The following ZNF385D variants were observed in gnomAD, a reference collection of about 807,000 sequenced individuals.
ZNF385D encodes the protein zinc finger protein 385D.
Under a neutral mutation model 35.8 loss-of-function variants are expected in ZNF385D, and 15 were observed. The observed-to-expected ratio is 0.42, with a 90% CI of 0.28 to 0.64. The LOEUF is 0.64. Ranked by LOEUF, ZNF385D falls within the 30% of genes least tolerant of loss-of-function variation. The pLI is 0.23. For missense variants in ZNF385D, 474 were observed against 494.6 expected, an observed-to-expected ratio of 0.96 and a Z score of 0.39; for synonymous variants, 212 against 186.8, an observed-to-expected ratio of 1.13 and a Z score of -1.10.
chr3:22,231,201 C>T (rs1698868316), intron 2 of ZNF385D, among the ~76,000 whole-genome samples: 1 of 152,118 alleles, frequency 6.6e-6, no homozygotes. Flanking sequence ...AGCCCCCTGC[C>T]ACTGGAGCAT....
rs869250677 is a variant in ZNF385D, at chr3:22,365,493, AT to A, written c.106+6956del. ...CGAGATGTTTATCTTTCTAAAAAAAATTTTTTTTTGTTTGCAAACAAACTTT... is the reference window on the plus strand; with the variant it reads ...CGAGATGTTTATCTTTCTAAAAAAAATTTTTTTTGTTTGCAAACAAACTTT... On this transcript the variant is annotated intron_variant, in intron 2 of 5. Coordinates refer to the ZNF385D transcript ENST00000494108. Among the ~76,000 whole-genome samples, 16 of 151,632 alleles carry A rather than the reference AT, an allele frequency of 1.1e-4. No individual in the cohort carries two copies. In the South Asian group the frequency reaches 1.2e-3, roughly 12 times the overall value.
intron 2 of ZNF385D, among the ~76,000 whole-genome samples, chr3:22,218,891 T>G (rs1698065779): frequency 6.6e-6 from 1 of 152,122 alleles, no homozygotes; most frequent in South Asian, 2.1e-4. Context: ...AGGGCTCACT[T>G]TTTTCATTAA....
chr3:21,422,849 G>A (rs934090510), intron 7 of ZNF385D, among the ~76,000 whole-genome samples: 5 of 152,228 alleles, frequency 3.3e-5, no homozygotes, highest in Admixed American at 2.6e-4. Flanking sequence ...AAAATAATAA[G>A]AGCCGTGTAT....
chr3:21,980,423 C>A (rs778538777), intron 3 of ZNF385D, among the ~76,000 whole-genome samples: 3 of 151,890 alleles, frequency 2.0e-5, no homozygotes, highest in East Asian at 3.9e-4. Flanking sequence ...AATAATGCAA[C>A]GTAATAATGT....
chr3:21,663,655 G>C (rs997658033), intron 2 of ZNF385D, among the ~76,000 whole-genome samples: 1 of 151,640 alleles, frequency 6.6e-6, no homozygotes, highest in African/African-American at 2.4e-5. Flanking sequence ...GTTTTGTAAA[G>C]GTGACCTTTA....
chr3:21,955,880 A>T (rs954610304), intron 3 of ZNF385D, among the ~76,000 whole-genome samples: 5 of 152,134 alleles, frequency 3.3e-5, no homozygotes, highest in Admixed American at 6.6e-5. Context: ...GTTTTTCACA[A>T]GTAGGTAAGA....
chr3:21,694,045 T>A (rs1184573556), intron 1 of ZNF385D, among the ~76,000 whole-genome samples: 1 of 75,790 alleles, frequency 1.3e-5, no homozygotes, highest in Non-Finnish European at 2.7e-5. Context: ...CGCCTGGCTT[T>A]TTTTTTTTTT....
chr3:21,630,820 A>G (rs1050244148), intron 2 of ZNF385D, among the ~76,000 whole-genome samples: 2 of 152,148 alleles, frequency 1.3e-5, no homozygotes, highest in Non-Finnish European at 2.9e-5. Context: ...TCACCATGTC[A>G]GGGGTTTTAT....
intron 3 of ZNF385D, among the ~76,000 whole-genome samples, chr3:22,001,779 G>T (rs1695859379): frequency 6.6e-6 from 1 of 151,374 alleles, no homozygotes; most frequent in Non-Finnish European, 1.5e-5. Context: ...TATTTTTTCA[G>T]ACCACATTAG....
chr3:22,152,024 G>C (rs994901623), intron 3 of ZNF385D, among the ~76,000 whole-genome samples: 3 of 151,996 alleles, frequency 2.0e-5, no homozygotes, highest in East Asian at 1.9e-4. Flanking sequence ...CCTTCAAGTA[G>C]GGTTCAGGGT....
chr3:21,949,256 A>T (rs916951732), intron 3 of ZNF385D, among the ~76,000 whole-genome samples: 1 of 152,216 alleles, frequency 6.6e-6, no homozygotes, highest in African/African-American at 2.4e-5. Flanking sequence ...AGTGTTTAAT[A>T]ATTCTATATG....
chr3:22,155,907 A>C (rs1576415540), intron 3 of ZNF385D, among the ~76,000 whole-genome samples: 1 of 152,104 alleles, frequency 6.6e-6, no homozygotes. Context: ...GAAAGTTAAG[A>C]GTATTCAAAA....
intron 3 of ZNF385D, among the ~76,000 whole-genome samples, chr3:22,097,466 G>C (rs1701694224): frequency 6.6e-6 from 1 of 151,980 alleles, no homozygotes; most frequent in Non-Finnish European, 1.5e-5. Context: ...ATTGGAAACT[G>C]GAAGAAATTG....
At chr3:22,262,530 T>C (rs1700686470) in intron 2 of ZNF385D, among the ~76,000 whole-genome samples, 1 of 152,010 alleles carries the variant, frequency 6.6e-6, no homozygotes, top group Non-Finnish European at 1.5e-5. Context: ...TCTATATTTA[T>C]TTTCTATGTG....
intron 3 of ZNF385D, among the ~76,000 whole-genome samples, chr3:21,881,183 T>G (rs1698259484): frequency 6.6e-6 from 1 of 151,760 alleles, no homozygotes; most frequent in East Asian, 1.9e-4. Flanking sequence ...ATTCTCAGTG[T>G]AGACAAACAG....
At chr3:21,745,820 G>A (rs1339115167) in intron 1 of ZNF385D, among the ~76,000 whole-genome samples, 1 of 152,234 alleles carries the variant, frequency 6.6e-6, no homozygotes, top group Non-Finnish European at 1.5e-5. Context: ...TTCTTAGGCA[G>A]GAAAAGCTTT....
At chr3:21,547,190 GA>G in intron 3 of ZNF385D, among the ~76,000 whole-genome samples, 1 of 152,196 alleles carries the variant, frequency 6.6e-6, no homozygotes, top group Middle Eastern at 3.4e-3. Context: ...CTCCAAACTG[GA>G]AAGAGTTAAT....
intron 2 of ZNF385D, among the ~76,000 whole-genome samples, chr3:22,311,490 T>C (rs1703546906): frequency 6.6e-6 from 1 of 152,108 alleles, no homozygotes; most frequent in South Asian, 2.1e-4. Flanking sequence ...TTAAATACTA[T>C]CACATATACT....
intron 2 of ZNF385D, among the ~76,000 whole-genome samples, chr3:21,612,800 G>C (rs2064723618): frequency 6.6e-6 from 1 of 152,070 alleles, no homozygotes; most frequent in South Asian, 2.1e-4. Flanking sequence ...CATAAAAGGT[G>C]ACACTTACCT....
Sources: allele counts gnomAD v4.1 joint callset (sites outside exome capture counted in the v4.1 genomes callset), GRCh38; gene constraint gnomAD v4.1.1; transcripts MANE v1.5; gene names NCBI Gene and HGNC (gene_info 2026-07-23, HGNC 2026-07-21).